The following ADGRL2 variants were observed in gnomAD, a reference collection of about 807,000 sequenced individuals.
The protein encoded by ADGRL2 is adhesion G protein-coupled receptor L2.
ADGRL2 carries 44 observed loss-of-function variants against 157.4 expected under a neutral mutation model. The ratio of observed to expected loss-of-function variants is 0.28; its 90% confidence interval spans 0.22 to 0.36. ADGRL2 has a LOEUF of 0.36. Among genes scored for constraint, ADGRL2 ranks in the 10% least tolerant of loss-of-function variants. The pLI, the probability that ADGRL2 is intolerant of heterozygous loss-of-function variation, is 1.00. For synonymous variants in ADGRL2, 585 were observed against 624.7 expected (o/e 0.94, Z 0.95); for missense variants, 1,510 against 1,768.9 (o/e 0.85, Z 2.63).
intron 3 of ADGRL2, among the ~76,000 whole-genome samples, chr1:81,922,835 G>T (rs757481378): frequency 6.6e-6 from 1 of 152,076 alleles, no homozygotes; most frequent in Non-Finnish European, 1.5e-5. Flanking sequence ...GACCAAAATA[G>T]TGAGACCCCA....
chr1:81,418,133 T>A (rs2077063593), intron 1 of ADGRL2, among the ~76,000 whole-genome samples: 1 of 152,212 alleles, frequency 6.6e-6, no homozygotes, highest in Non-Finnish European at 1.5e-5. Flanking sequence ...TAACTACCAA[T>A]GTATGCTAGG....
intron 11 of ADGRL2, among the ~76,000 whole-genome samples, chr1:81,963,410 G>C (rs1656085799): frequency 6.6e-6 from 1 of 151,778 alleles, no homozygotes; most frequent in Non-Finnish European, 1.5e-5. Flanking sequence ...ATTAAGCTAG[G>C]TCTTCTAGTA....
At chr1:81,968,523 C>T (rs1235795081) in intron 14 of ADGRL2, among the ~76,000 whole-genome samples, 1 of 152,104 alleles carries the variant, frequency 6.6e-6, no homozygotes, top group African/African-American at 2.4e-5. Flanking sequence ...TTTAACATGC[C>T]CTTCCCATCT....
intron 2 of ADGRL2, among the ~76,000 whole-genome samples, chr1:81,480,820 C>T (rs1236808519): frequency 6.6e-6 from 1 of 152,010 alleles, no homozygotes; most frequent in Non-Finnish European, 1.5e-5. Flanking sequence ...AGGAATTTAC[C>T]CCACTCAGCA....
intron 1 of ADGRL2, among the ~76,000 whole-genome samples, chr1:81,370,488 A>G (rs934210292): frequency 1.3e-5 from 2 of 152,170 alleles, no homozygotes; most frequent in African/African-American, 4.8e-5. Flanking sequence ...CATATTGTAT[A>G]TACCAAAGAA....
chr1:81,502,640 G>A (rs1447070416), intron 2 of ADGRL2: 47 of 1,613,856 alleles, frequency 2.9e-5, no homozygotes, highest in East Asian at 1.6e-4. Context: ...CATCACCAGC[G>A]CTGCCTTCAC....
At chr1:81,501,807 A>G (rs1192151362) in intron 2 of ADGRL2, 4 of 1,603,642 alleles carry the variant, frequency 2.5e-6, no homozygotes, top group Non-Finnish European at 3.4e-6. Context: ...CAGCAGCAGC[A>G]GCAACAGCAG....
intron 1 of ADGRL2, among the ~76,000 whole-genome samples, chr1:81,810,377 A>C (rs577009674): frequency 8.7e-5 from 13 of 149,848 alleles, no homozygotes; most frequent in Non-Finnish European, 1.9e-4. Context: ...ACTTTGAAGC[A>C]AAGTATTTCT....
chr1:81,580,813 C>T (rs540283327), intron 2 of ADGRL2: 28 of 152,068 alleles, frequency 1.8e-4, no homozygotes, highest in East Asian at 7.7e-4. Context: ...TTGCCTTTTT[C>T]GAAATTAAAC....
intron 1 of ADGRL2, among the ~76,000 whole-genome samples, chr1:81,346,922 TA>T (rs1662521942): frequency 6.6e-6 from 1 of 152,166 alleles, no homozygotes; most frequent in Non-Finnish European, 1.5e-5. Context: ...GGGTAGAGGC[TA>T]AAAGAGTTTT....
At chr1:81,383,643 C>G (rs1570788628) in intron 1 of ADGRL2, among the ~76,000 whole-genome samples, 1 of 146,562 alleles carries the variant, frequency 6.8e-6, no homozygotes, top group East Asian at 2.0e-4. Flanking sequence ...AAAACAAGAT[C>G]TCTCCTAAAC....
chr1:81,731,791 G>T (rs186802382), intron 1 of ADGRL2, among the ~76,000 whole-genome samples: 120 of 152,242 alleles, frequency 7.9e-4, no homozygotes, highest in African/African-American at 2.9e-3. Context: ...TTTGCGGTTT[G>T]TTAATTCATT....
chr1:81,668,864 C>T (rs532937290), intron 3 of ADGRL2, among the ~76,000 whole-genome samples: 7 of 152,178 alleles, frequency 4.6e-5, no homozygotes, highest in Non-Finnish European at 7.3e-5. Context: ...GCCACTGCGC[C>T]TGGCCCACCT....
intron 2 of ADGRL2, among the ~76,000 whole-genome samples, chr1:81,895,528 A>G (rs767663136): frequency 1.7e-4 from 26 of 150,332 alleles, no homozygotes; most frequent in Non-Finnish European, 3.5e-4. Context: ...CCTCCTGAGT[A>G]ACTGGGATTA....
intron 2 of ADGRL2, among the ~76,000 whole-genome samples, chr1:81,569,228 C>T (rs1355641650): frequency 1.3e-5 from 2 of 152,044 alleles, no homozygotes; most frequent in African/African-American, 4.8e-5. Flanking sequence ...GAATTCCTCA[C>T]AAAAACACTG....
At chr1:81,708,776 T>G (rs1218745643) in intron 1 of ADGRL2, among the ~76,000 whole-genome samples, 1 of 152,110 alleles carries the variant, frequency 6.6e-6, no homozygotes. Context: ...ATTTTATTTA[T>G]ATACTTCAGC....
At chr1:81,913,423 A>G (rs976179023) in intron 3 of ADGRL2, among the ~76,000 whole-genome samples, 1 of 152,210 alleles carries the variant, frequency 6.6e-6, no homozygotes, top group Admixed American at 6.5e-5. Flanking sequence ...AAGTAAGACT[A>G]CATGGAAAGG....
intron 1 of ADGRL2, among the ~76,000 whole-genome samples, chr1:81,329,539 T>C (rs1661131140): frequency 6.6e-6 from 1 of 152,192 alleles, no homozygotes; most frequent in South Asian, 2.1e-4. Context: ...TAAAATCTAA[T>C]GAAAATATTT....
At chr1:81,954,255 A>G (rs1226059479) in intron 10 of ADGRL2, among the ~76,000 whole-genome samples, 1 of 151,924 alleles carries the variant, frequency 6.6e-6, no homozygotes, top group African/African-American at 2.4e-5. Flanking sequence ...CTTCAGGAAT[A>G]TGACTAGGCT....
Sources: allele counts gnomAD v4.1 joint callset (sites outside exome capture counted in the v4.1 genomes callset), GRCh38; gene constraint gnomAD v4.1.1; transcripts MANE v1.5; gene names NCBI Gene and HGNC (gene_info 2026-07-23, HGNC 2026-07-21).